Variants in SERPINB12 observed in about 807,000 individuals in gnomAD.
The protein encoded by SERPINB12 is serpin family B member 12, also known as serpin B12.
Under a neutral mutation model 41.1 loss-of-function variants are expected in SERPINB12, and 57 were observed. The observed-to-expected ratio is 1.39, with a 90% CI of 1.12 to 1.73. The LOEUF (loss-of-function observed/expected upper bound fraction) is 1.73, where lower values mean the gene tolerates loss of function less well. Ranked by LOEUF, SERPINB12 falls within the 40% of genes most tolerant of loss-of-function variation. SERPINB12 has a pLI of 0.00. For missense variants in SERPINB12, 536 were observed against 501.9 expected (o/e 1.07, Z -0.65); for synonymous variants, 180 against 181.3 (o/e 0.99, Z 0.06).
chr18:63,568,768 T>C lies in SERPINB12; in HGVS notation c.*1757T>C, dbSNP rs184085692. Among the ~76,000 whole-genome samples the C allele has an allele frequency of 5.4e-4, 82 of 152,324 alleles. No individual in the cohort carries two copies. Among genetic ancestry groups the C allele is most frequent in the Admixed American group, 1.5e-3 (23 of 15,306 alleles). The stretch of plus-strand genomic sequence containing the variant: ...GGCAGGTGAACCACACCTGCTCCCA[T>C]GCTAGCCTCCTCTTCCTTTTCTCAC... On this transcript the variant is annotated 3_prime_UTR_variant, in exon 8 of 8. Transcript: ENST00000382768.
chr18:63,543,913 G>A (rs551495499), intron 1 of SERPINB12, among the ~76,000 whole-genome samples: 2 of 152,202 alleles, frequency 1.3e-5, no homozygotes, highest in South Asian at 2.1e-4. Flanking sequence ...CACTGCGCCC[G>A]GGCAAAATGT....
the SERPINB12 span, among the ~76,000 whole-genome samples, chr18:63,528,986 T>C: frequency 1.3e-5 from 2 of 151,984 alleles, no homozygotes; most frequent in African/African-American, 4.8e-5. Flanking sequence ...CTCCTGGAAG[T>C]AGATAGTGCA....
upstream of SERPINB12, among the ~76,000 whole-genome samples, chr18:63,540,549 G>A (rs1471560028): frequency 3.3e-5 from 5 of 152,128 alleles, no homozygotes; most frequent in Admixed American, 3.3e-4. Flanking sequence ...GATATTCTAT[G>A]GCAAGGAAGT....
intron 1 of SERPINB12, among the ~76,000 whole-genome samples, chr18:63,546,070 A>G (rs186543405): frequency 6.6e-6 from 1 of 152,292 alleles, no homozygotes; most frequent in East Asian, 1.9e-4. Context: ...TATTTTCCAT[A>G]AAGGCCATCT....
chr18:63,562,018 TA>T lies in SERPINB12; in HGVS notation c.562+825del, dbSNP rs986190079. On this transcript the variant is annotated intron_variant, in intron 5 of 7. Transcript: ENST00000382768. Reference sequence around the variant, plus strand: ...TGTATCTAAAATAAAAGCTGAAATTTAAAAAAAAACAAAACAAAAAAGCATG... The same window carrying T: ...TGTATCTAAAATAAAAGCTGAAATTTAAAAAAAACAAAACAAAAAAGCATG... 2.5e-4 allele frequency among the ~76,000 whole-genome samples: 37 copies of T among 150,788 alleles called. No homozygotes were observed. In the East Asian group the frequency reaches 6.6e-3, roughly 27 times the overall value.
rs773388300 is a variant in SERPINB12, at chr18:63,561,040, T to C, written c.445-45T>C. 5 of 1,276,114 alleles carry C rather than the reference T, an allele frequency of 3.9e-6. No homozygotes were observed. The African/African-American group carries it at 7.4e-5, about 19-fold the overall frequency. The allele number at this position is 1,276,114 out of a possible 1,614,324, so 79.0% of individuals were successfully genotyped here. ...TCTCACTCCTAACTACGAGCATCAC[T>C]GCCTGACTTTATTGCATTATTTCCC... is the stretch of plus-strand genomic sequence containing the variant. On this transcript the variant is annotated intron_variant, in intron 4 of 7. Coordinates refer to ENST00000382768, the MANE Select transcript of SERPINB12 (RefSeq NM_001307928.2).
At chr18:63,534,522 G>T in the SERPINB12 span, among the ~76,000 whole-genome samples, 2 of 152,174 alleles carry the variant, frequency 1.3e-5, no homozygotes, top group Non-Finnish European at 2.9e-5. Context: ...GCACAGAAAA[G>T]CTAGACTCTG....
At chr18:63,559,032 T>TTCTC (rs1910791386) in intron 3 of SERPINB12, among the ~76,000 whole-genome samples, 6 of 71,424 alleles carry the variant, frequency 8.4e-5, no homozygotes, top group Non-Finnish European at 1.8e-4. Flanking sequence ...CTTTCTTTCT[T>TTCTC]TCTTTCTTTC....
At chr18:63,544,871 G>A (rs1362677859) in intron 1 of SERPINB12, among the ~76,000 whole-genome samples, 1 of 152,130 alleles carries the variant, frequency 6.6e-6, no homozygotes, top group East Asian at 1.9e-4. Context: ...TAGGTTGAAA[G>A]TGTCTATGCT....
Position 63,566,645 on chromosome 18 carries a change from G to A in SERPINB12, c.912G>A (p.Trp304Ter). 1 of 1,613,018 alleles carries A rather than the reference G, an allele frequency of 6.2e-7. No homozygotes were observed. The highest frequency in any genetic ancestry group is 8.5e-7 in the Non-Finnish European group (1 of 1,179,830). The change falls in exon 8 of 8, where the codon TGG becomes TGA. Residue 304 changes from tryptophan to a stop codon, truncating the protein, a stop_gained. Transcript: ENST00000382768. LOFTEE classifies it high-confidence loss of function. ...TCACCTATGAAAAAATGGTGGCCTGGAGCAGCTCAGAAAACATGTCAGAAG... is the reference window on the plus strand; with the variant it reads ...TCACCTATGAAAAAATGGTGGCCTGAAGCAGCTCAGAAAACATGTCAGAAG... ...RKITYEKMVA[W>*]SSSENMSEES...
upstream of SERPINB12, among the ~76,000 whole-genome samples, chr18:63,537,467 A>T (rs1414818139): frequency 6.6e-6 from 1 of 152,226 alleles, no homozygotes; most frequent in Non-Finnish European, 1.5e-5. Context: ...TCCTAGACTG[A>T]TGACATACCA....
At chr18:63,532,983 T>C in the SERPINB12 span, among the ~76,000 whole-genome samples, 37 of 152,280 alleles carry the variant, frequency 2.4e-4, 1 homozygote, top group African/African-American at 6.7e-4. Context: ...TCATGTTTCT[T>C]CTTCTTTTTT....
At chr18:63,541,222 A>G (rs1308163007), upstream of SERPINB12, among the ~76,000 whole-genome samples, 1 of 152,166 alleles carries the variant, frequency 6.6e-6, no homozygotes, top group Non-Finnish European at 1.5e-5. Flanking sequence ...TCGTTCCCTC[A>G]GATCCTCTTA....
At chr18:63,565,360 A>AC (rs1305454550) in intron 6 of SERPINB12, 85 bp from the exon 7 acceptor site, 12 of 1,268,108 alleles carry the variant, frequency 9.5e-6, no homozygotes, top group African/African-American at 1.5e-5. Context: ...ATCTTTAGGA[A>AC]CCCCTGTCCT....
Position 63,564,245 on chromosome 18 carries a change from AG to A in SERPINB12, c.705+126del, listed in dbSNP as rs1206390661. The A allele has an allele frequency of 5.2e-6, 5 of 965,910 alleles. No homozygotes were observed. The African/African-American group carries it at 8.2e-5, about 16-fold the overall frequency. The allele number at this position is 965,910 out of a possible 1,614,324, so 59.8% of individuals were successfully genotyped here. A position where few individuals can be genotyped will look rare whatever the true frequency, so the allele number is the denominator to read the frequency against. On this transcript the variant is annotated intron_variant, in intron 6 of 7. Coordinates refer to ENST00000382768, the MANE Select transcript of SERPINB12 (RefSeq NM_001307928.2). ...ACAATAAGAACATTTTTCGTTGATA[AG>A]AACCAGTACCTGAATTTCATTGAGT...
chr18:63,561,282 T>C lies in SERPINB12; in HGVS notation c.562+80T>C, dbSNP rs1002803022. 3 of 803,932 alleles carry C rather than the reference T, an allele frequency of 3.7e-6. No individual in the cohort carries two copies. The Admixed American group carries it at 6.1e-5, about 16-fold the overall frequency. The allele number at this position is 803,932 out of a possible 1,614,324, so 49.8% of individuals were successfully genotyped here. ...TGGTCTGCCTAGCTTTGCAGACTGC[T>C]GGTCTACTGGGGGCCAGAGGTTCAC... On this transcript the variant is annotated intron_variant, in intron 5 of 7. Coordinates refer to ENST00000382768, the MANE Select transcript of SERPINB12 (RefSeq NM_001307928.2).
chr18:63,521,706 T>C, the SERPINB12 span, among the ~76,000 whole-genome samples: 3 of 152,156 alleles, frequency 2.0e-5, no homozygotes, highest in Non-Finnish European at 4.4e-5. Context: ...AGAAAAGCCA[T>C]CCACAACAGT....
intron 1 of SERPINB12, among the ~76,000 whole-genome samples, chr18:63,550,660 G>A (rs1265252478): frequency 1.3e-5 from 2 of 152,140 alleles, no homozygotes; most frequent in African/African-American, 4.8e-5. Context: ...TAGTTTACAT[G>A]GTGTCCTGAG....
chr18:63,535,946 C>T, the SERPINB12 span, among the ~76,000 whole-genome samples: 8 of 151,700 alleles, frequency 5.3e-5, no homozygotes, highest in South Asian at 1.7e-3. Context: ...GTATTCAGAA[C>T]TATTGAGGAA....
Sources: allele counts gnomAD v4.1 joint callset (sites outside exome capture counted in the v4.1 genomes callset), GRCh38; gene constraint gnomAD v4.1.1; transcripts MANE v1.5; gene names NCBI Gene and HGNC (gene_info 2026-07-23, HGNC 2026-07-21).